TGFBR3: variants seen among roughly 807,000 people sequenced by gnomAD.
TGFBR3 encodes transforming growth factor beta receptor 3.
TGFBR3 carries 46 observed loss-of-function variants against 87.9 expected under a neutral mutation model. That is an observed-to-expected ratio of 0.52 (90% CI 0.41 to 0.67). TGFBR3 has a LOEUF of 0.67. Among genes scored for constraint, TGFBR3 ranks in the 30% least tolerant of loss-of-function variants. The pLI, the probability that TGFBR3 is intolerant of heterozygous loss-of-function variation, is 0.00. For synonymous variants in TGFBR3, 381 were observed against 391.6 expected (o/e 0.97, Z 0.32); for missense variants, 866 against 1,041.9 (o/e 0.83, Z 2.32).
Position 91,900,600 on chromosome 1 carries a change from C to G in TGFBR3, c.-174-903G>C, listed in dbSNP as rs570330596. On this transcript the variant is annotated intron_variant, in intron 1 of 17. Transcript: ENST00000370399. ...AAACAAAATAGAAAAGTATCACATA[C>G]AAGAAACTCCACATCTTGACCATTT... Among the ~76,000 whole-genome samples the G allele has an allele frequency of 2.0e-5, 3 of 152,274 alleles. No individual in the cohort carries two copies. In the South Asian group the frequency reaches 6.2e-4, roughly 32 times the overall value.
intron 4 of TGFBR3, among the ~76,000 whole-genome samples, chr1:91,750,644 A>G (rs937062721): frequency 1.3e-5 from 2 of 152,164 alleles, no homozygotes; most frequent in African/African-American, 4.8e-5. Flanking sequence ...AAGAAGAACC[A>G]CCAGCAATCT....
chr1:91,735,046 C>T, intron 4 of TGFBR3, 87 bp from the exon 5 acceptor site: 7 of 1,475,364 alleles, frequency 4.7e-6, no homozygotes, highest in Non-Finnish European at 6.6e-6. Context: ...AATCGAAGTG[C>T]TTGTAAATCG....
chr1:91,822,291 A>C (rs528274094), intron 2 of TGFBR3, among the ~76,000 whole-genome samples: 1 of 68,700 alleles, frequency 1.5e-5, no homozygotes, highest in African/African-American at 5.4e-5. Context: ...AGAGCAAAGC[A>C]TTAAAAAAAA....
chr1:91,763,451 G>A (rs1214077158), intron 3 of TGFBR3, among the ~76,000 whole-genome samples: 2 of 152,110 alleles, frequency 1.3e-5, no homozygotes, highest in Non-Finnish European at 2.9e-5. Flanking sequence ...TCTAAAACCA[G>A]ACCAAATAAT....
At chr1:91,718,783 A>G (rs1472927285) in intron 10 of TGFBR3, among the ~76,000 whole-genome samples, 1 of 152,168 alleles carries the variant, frequency 6.6e-6, no homozygotes, top group Non-Finnish European at 1.5e-5. Context: ...TCTTCAATGT[A>G]TGGTCTTTCT....
chr1:91,875,580 G>C (rs1055719564), intron 1 of TGFBR3, among the ~76,000 whole-genome samples: 1 of 151,892 alleles, frequency 6.6e-6, no homozygotes, highest in African/African-American at 2.4e-5. Context: ...CAACCCATAG[G>C]GATCAAGCAT....
chr1:91,711,758 G>A (rs1003962464), intron 13 of TGFBR3, among the ~76,000 whole-genome samples: 4 of 152,180 alleles, frequency 2.6e-5, no homozygotes, highest in African/African-American at 9.7e-5. Context: ...CAAATATGAT[G>A]AACTGATATG....
At chr1:91,827,952 A>T (rs1676705957) in intron 2 of TGFBR3, among the ~76,000 whole-genome samples, 1 of 152,202 alleles carries the variant, frequency 6.6e-6, no homozygotes, top group African/African-American at 2.4e-5. Context: ...CGGACTTGTT[A>T]TTAACCACAC....
chr1:91,782,001 T>C (rs1462495131), intron 3 of TGFBR3, among the ~76,000 whole-genome samples: 1 of 152,170 alleles, frequency 6.6e-6, no homozygotes, highest in African/African-American at 2.4e-5. Context: ...ATATTACCAT[T>C]TCATTTAGAT....
rs549937013 is a variant in TGFBR3, at chr1:91,812,061, A to T, written c.62-14590T>A. 2.0e-5 allele frequency among the ~76,000 whole-genome samples: 3 copies of T among 152,242 alleles called. No individual in the cohort carries two copies. The East Asian group carries it at 5.8e-4, about 29-fold the overall frequency. ...TTCGTAAACCACACTGCCAGAGGGA[A>T]CTCACCTTTCTCCCATGGAGACAGC... On this transcript the variant is annotated intron_variant, in intron 2 of 16. Transcript: ENST00000212355.
intron 4 of TGFBR3, among the ~76,000 whole-genome samples, chr1:91,753,363 C>T (rs1200941912): frequency 8.1e-6 from 1 of 123,180 alleles, no homozygotes; most frequent in East Asian, 2.5e-4. Flanking sequence ...GCACTCCAGC[C>T]TGAGTAAGGG....
chr1:91,746,691 C>T (rs772857521), intron 4 of TGFBR3, among the ~76,000 whole-genome samples: 21 of 152,034 alleles, frequency 1.4e-4, no homozygotes, highest in Non-Finnish European at 2.4e-4. Flanking sequence ...TTACAAATGC[C>T]TGGCTCCAAA....
At chr1:91,836,791 TACA>T (rs1370058418) in intron 2 of TGFBR3, among the ~76,000 whole-genome samples, 1 of 152,152 alleles carries the variant, frequency 6.6e-6, no homozygotes, top group African/African-American at 2.4e-5. Flanking sequence ...CAAAATCAGT[TACA>T]ACATTTTGCC....
At chr1:91,854,449 T>A (rs1677860684) in intron 2 of TGFBR3, among the ~76,000 whole-genome samples, 1 of 151,988 alleles carries the variant, frequency 6.6e-6, no homozygotes, top group Admixed American at 6.6e-5. Context: ...CAGAGCCACC[T>A]CCAGGACCCC....
intron 3 of TGFBR3, among the ~76,000 whole-genome samples, chr1:91,763,934 T>C (rs1292378324): frequency 2.0e-5 from 3 of 152,208 alleles, no homozygotes; most frequent in Admixed American, 6.5e-5. Context: ...ATTTGGGAAT[T>C]GGCATAAAAA....
chr1:91,841,911 C>T (rs144498794), intron 2 of TGFBR3, among the ~76,000 whole-genome samples: 1 of 151,340 alleles, frequency 6.6e-6, no homozygotes, highest in Non-Finnish European at 1.5e-5. Context: ...CCAGCCTGGG[C>T]AACAGAGCAA....
At chr1:91,822,202 C>A (rs1022913766) in intron 2 of TGFBR3, among the ~76,000 whole-genome samples, 1 of 147,044 alleles carries the variant, frequency 6.8e-6, no homozygotes, top group Admixed American at 6.9e-5. Context: ...AGATGATAGA[C>A]AAACCGCCAC....
At chr1:91,877,503 G>A (rs1458992634) in intron 1 of TGFBR3, among the ~76,000 whole-genome samples, 1 of 151,980 alleles carries the variant, frequency 6.6e-6, no homozygotes, top group Non-Finnish European at 1.5e-5. Context: ...ATTTTTAACT[G>A]ACATTTTCAG....
Position 91,870,476 on chromosome 1 carries a change from G to A in TGFBR3, c.-113-8832C>T, listed in dbSNP as rs151168739. 5.9e-5 allele frequency among the ~76,000 whole-genome samples: 9 copies of A among 152,306 alleles called. No individual in the cohort carries two copies. In the East Asian group the frequency reaches 1.7e-3, roughly 29 times the overall value. ...CTACTTAGTTACAAAGCCAAGACTT[G>A]TCCACATGCTGCTTTGTAATTATTC... On this transcript the variant is annotated intron_variant, in intron 1 of 16. Transcript: ENST00000212355.
Sources: gnomAD v4.1 joint callset for allele counts (sites outside exome capture counted in the v4.1 genomes callset) on GRCh38, gnomAD v4.1.1 for gene constraint, MANE v1.5 for transcripts, NCBI Gene and HGNC (gene_info 2026-07-23, HGNC 2026-07-21) for gene names.